Variants in RBBP8 observed in about 807,000 individuals in gnomAD.
RBBP8 encodes DNA endonuclease RBBP8.
RBBP8 carries 88 observed loss-of-function variants against 108.3 expected under a neutral mutation model. That is an observed-to-expected ratio of 0.81 (90% CI 0.68 to 0.97). The LOEUF (loss-of-function observed/expected upper bound fraction) is 0.97. Ranked by LOEUF, RBBP8 falls within the 50% of genes least tolerant of loss-of-function variation. The pLI, the probability that RBBP8 is intolerant of heterozygous loss-of-function variation, is 0.00. For missense variants in RBBP8, 1,023 were observed against 1,049.0 expected (o/e 0.98, Z 0.34); for synonymous variants, 332 against 348.2 (o/e 0.95, Z 0.52).
chr18:22,986,657 G>A (rs1490603848), intron 8 of RBBP8, among the ~76,000 whole-genome samples: 2 of 152,126 alleles, frequency 1.3e-5, no homozygotes, highest in Non-Finnish European at 2.9e-5. Flanking sequence ...GAGAAAGAGG[G>A]AACAATTGCT....
At chr18:22,972,084 G>A (rs1001774495) in intron 5 of RBBP8, among the ~76,000 whole-genome samples, 7 of 150,972 alleles carry the variant, frequency 4.6e-5, no homozygotes, top group African/African-American at 9.7e-5. Context: ...GGGCAGGCGC[G>A]TTGGCTCACG....
intron 3 of RBBP8, chr18:22,921,016 C>T (rs1909574031): frequency 6.6e-6 from 1 of 152,142 alleles, no homozygotes; most frequent in East Asian, 1.9e-4. Context: ...ATCTGCCTGT[C>T]CCATCCATGC....
chr18:23,005,212 G>A (rs1226466063), intron 15 of RBBP8, among the ~76,000 whole-genome samples: 2 of 151,834 alleles, frequency 1.3e-5, no homozygotes, highest in Non-Finnish European at 2.9e-5. Context: ...AAATTGTAGT[G>A]TTCAATAGCA....
At chr18:22,928,642 T>A (rs1909881339), upstream of RBBP8, among the ~76,000 whole-genome samples, 1 of 151,560 alleles carries the variant, frequency 6.6e-6, no homozygotes, top group Admixed American at 6.6e-5. Flanking sequence ...TTAAAGAAAC[T>A]GATTTTTAAC....
Position 23,022,627 on chromosome 18 carries a change from TA to T in RBBP8, c.2596+361del, listed in dbSNP as rs1231098487. 3.4e-4 allele frequency among the ~76,000 whole-genome samples: 31 copies of T among 92,202 alleles called. 2 individuals are homozygous for T. The highest frequency in any genetic ancestry group is 1.3e-3 in the South Asian group (4 of 3,044). 60.5% of individuals were successfully genotyped at this position (92,202 alleles called of 152,430 possible). ...AAAAATAAAATAAAATAAAATAAAATAAAATAAAATAAATAAAATACAATAT... is the reference window on the plus strand; with the variant it reads ...AAAAATAAAATAAAATAAAATAAAATAAATAAAATAAATAAAATACAATAT... On this transcript the variant is annotated intron_variant, in intron 18 of 18. Transcript: ENST00000327155.
intron 12 of RBBP8, among the ~76,000 whole-genome samples, chr18:22,995,554 A>T (rs1476336066): frequency 6.6e-6 from 1 of 152,192 alleles, no homozygotes; most frequent in Non-Finnish European, 1.5e-5. Flanking sequence ...CATTTTCATC[A>T]CTTTCCTTCC....
In RBBP8 at chr18:22,967,678, G is replaced by A. The variant is rs138180034; in HGVS notation, c.249-1128G>A. On this transcript the variant is annotated intron_variant, in intron 4 of 18. Coordinates refer to ENST00000327155, the MANE Select transcript of RBBP8 (RefSeq NM_002894.3). ...TTTTTTTTTTTTGAGACGGAGTCTC[G>A]CTTTGTCACCCAGGCTGGAGTGCAG... Among the ~76,000 whole-genome samples, 4 of 139,194 alleles carry A rather than the reference G, an allele frequency of 2.9e-5. No individual in the cohort carries two copies. The South Asian group carries it at 6.7e-4, about 23-fold the overall frequency. 91.3% of individuals were successfully genotyped at this position (139,194 alleles called of 152,430 possible).
At chr18:22,965,176 CTTATTATTTCTTCCAGATTTT>C (rs1370587908) in intron 4 of RBBP8, among the ~76,000 whole-genome samples, 1 of 151,804 alleles carries the variant, frequency 6.6e-6, no homozygotes. Context: ...TTCTGTATAG[CTTATTATTTCTTCCAGATTTT>C]TTATTTCTTT....
chr18:22,948,234 G>T (rs886361424), intron 3 of RBBP8, among the ~76,000 whole-genome samples: 1 of 151,960 alleles, frequency 6.6e-6, no homozygotes, highest in Non-Finnish European at 1.5e-5. Context: ...ATACATGTTG[G>T]CAGTCTGTTT....
intron 1 of RBBP8, among the ~76,000 whole-genome samples, chr18:22,936,396 C>T (rs1411443543): frequency 1.3e-5 from 2 of 152,164 alleles, no homozygotes; most frequent in Admixed American, 6.5e-5. Flanking sequence ...GCCATCTCCC[C>T]CAGCCAAAAC....
intron 14 of RBBP8, among the ~76,000 whole-genome samples, chr18:22,999,729 C>G (rs1250483778): frequency 2.0e-5 from 3 of 152,006 alleles, no homozygotes; most frequent in Admixed American, 1.3e-4. Context: ...AATAAAAATT[C>G]CATATTACTG....
chr18:22,978,803 T>G (rs1293095789), intron 6 of RBBP8, among the ~76,000 whole-genome samples: 2 of 152,184 alleles, frequency 1.3e-5, no homozygotes, highest in Non-Finnish European at 2.9e-5. Flanking sequence ...TAATAATGAT[T>G]GTATATTTCA....
At chr18:22,967,711 A>G (rs1272080949) in intron 4 of RBBP8, among the ~76,000 whole-genome samples, 5 of 149,886 alleles carry the variant, frequency 3.3e-5, no homozygotes, top group African/African-American at 7.4e-5. Flanking sequence ...CAGTGGTGCA[A>G]TCTCAGCTCA....
chr18:22,987,008 T>C lies in RBBP8; in HGVS notation c.709+2018T>C, dbSNP rs1255580907. On this transcript the variant is annotated intron_variant, in intron 8 of 18. Transcript: ENST00000327155. ...TATCTGCAGCTTCTCTGCTGGCTTATTCTTAAGTATATACACATATATGTT... is the reference window on the plus strand; with the variant it reads ...TATCTGCAGCTTCTCTGCTGGCTTACTCTTAAGTATATACACATATATGTT... Among the ~76,000 whole-genome samples, 9 of 152,338 alleles carry C rather than the reference T, an allele frequency of 5.9e-5. No homozygotes were observed. In the South Asian group the frequency reaches 6.2e-4, roughly 11 times the overall value.
At chr18:22,956,165 C>G (rs1912523576) in intron 4 of RBBP8, among the ~76,000 whole-genome samples, 1 of 151,460 alleles carries the variant, frequency 6.6e-6, no homozygotes, top group Admixed American at 6.6e-5. Flanking sequence ...AAGTAGGTAA[C>G]TTTTGGTGAA....
At chr18:22,954,252 A>C (rs903777626) in intron 4 of RBBP8, among the ~76,000 whole-genome samples, 1 of 152,238 alleles carries the variant, frequency 6.6e-6, no homozygotes, top group African/African-American at 2.4e-5. Flanking sequence ...ATCTGAGACA[A>C]GGCAAGTTCC....
rs1335934149 is a variant in RBBP8, at chr18:22,949,318, G to A, written c.153-300G>A. Among the ~76,000 whole-genome samples the A allele has an allele frequency of 8.5e-5, 13 of 152,106 alleles. No homozygotes were observed. In the East Asian group the frequency reaches 2.3e-3, roughly 27 times the overall value. On this transcript the variant is annotated intron_variant, in intron 3 of 18. Coordinates refer to ENST00000327155, the MANE Select transcript of RBBP8 (RefSeq NM_002894.3). ...TTCCCCATAATTGAAGAGATGATGT[G>A]AGTAGAGAAATACTATTTACATTAA...
intron 1 of RBBP8, among the ~76,000 whole-genome samples, chr18:22,935,463 A>G (rs1439661039): frequency 6.6e-6 from 1 of 151,634 alleles, no homozygotes; most frequent in African/African-American, 2.4e-5. Flanking sequence ...AATCCAGCTC[A>G]TATTTAGTTT....
At chr18:22,945,866 C>T (rs1318610161) in intron 2 of RBBP8, among the ~76,000 whole-genome samples, 1 of 152,126 alleles carries the variant, frequency 6.6e-6, no homozygotes, top group Non-Finnish European at 1.5e-5. Context: ...TTGTCCATAT[C>T]CTTCCTTGCA....
Sources: allele counts gnomAD v4.1 joint callset (sites outside exome capture counted in the v4.1 genomes callset), GRCh38; gene constraint gnomAD v4.1.1; transcripts MANE v1.5; gene names NCBI Gene and HGNC (gene_info 2026-07-23, HGNC 2026-07-21).